Variants in TASP1 observed in about 807,000 individuals in gnomAD.
TASP1 encodes threonine aspartase 1.
Under a neutral mutation model 56.6 loss-of-function variants are expected in TASP1, and 16 were observed. That is an observed-to-expected ratio of 0.28 (90% CI 0.19 to 0.43). The LOEUF is 0.43. Ranked by LOEUF, TASP1 falls within the 20% of genes least tolerant of loss-of-function variation. The pLI is 1.00. For missense variants in TASP1, 393 were observed against 511.6 expected (o/e 0.77, Z 2.24); for synonymous variants, 179 against 184.2 (o/e 0.97, Z 0.23).
the TASP1 span, among the ~76,000 whole-genome samples, chr20:13,274,275 T>C: frequency 6.6e-6 from 1 of 152,072 alleles, no homozygotes. Flanking sequence ...TTTGTTGAAA[T>C]CCACTGGTTT....
chr20:13,560,815 A>C (rs2046320892), intron 7 of TASP1, among the ~76,000 whole-genome samples: 1 of 152,166 alleles, frequency 6.6e-6, no homozygotes, highest in Non-Finnish European at 1.5e-5. Context: ...AATAGCTGAA[A>C]ACTTGCCAAA....
the TASP1 span, among the ~76,000 whole-genome samples, chr20:13,128,175 C>T: frequency 6.6e-6 from 1 of 152,182 alleles, no homozygotes; most frequent in African/African-American, 2.4e-5. Flanking sequence ...TGTATAATTG[C>T]TTGCTACTAT....
chr20:13,242,076 T>G, the TASP1 span, among the ~76,000 whole-genome samples: 13 of 151,618 alleles, frequency 8.6e-5, no homozygotes, highest in Admixed American at 3.3e-4. Context: ...ACTGGAAAAA[T>G]GAGTTAAAAG....
At chr20:13,146,200 T>G in the TASP1 span, among the ~76,000 whole-genome samples, 1 of 152,180 alleles carries the variant, frequency 6.6e-6, no homozygotes, top group Non-Finnish European at 1.5e-5. Context: ...CCACATGTTC[T>G]TACTTATAGG....
intron 12 of TASP1, among the ~76,000 whole-genome samples, chr20:13,418,734 C>T (rs957488426): frequency 6.6e-6 from 1 of 152,176 alleles, no homozygotes; most frequent in Non-Finnish European, 1.5e-5. Context: ...ATGAACAAAG[C>T]TAACACCACC....
the TASP1 span, among the ~76,000 whole-genome samples, chr20:13,350,494 T>C: frequency 2.6e-5 from 4 of 152,148 alleles, no homozygotes; most frequent in Non-Finnish European, 2.9e-5. Context: ...TAAGGCTTAC[T>C]TTAAAGCAAT....
At chr20:13,176,838 T>C in the TASP1 span, among the ~76,000 whole-genome samples, 1 of 152,152 alleles carries the variant, frequency 6.6e-6, no homozygotes, top group African/African-American at 2.4e-5. Flanking sequence ...GAAAAGAAAT[T>C]AATAAGTTTA....
At chr20:13,399,749 T>C (rs937433565) in intron 13 of TASP1, among the ~76,000 whole-genome samples, 1 of 152,218 alleles carries the variant, frequency 6.6e-6, no homozygotes, top group African/African-American at 2.4e-5. Context: ...AGTCAGTTCA[T>C]ATCATTCCAC....
the TASP1 span, among the ~76,000 whole-genome samples, chr20:13,162,076 G>A: frequency 6.6e-6 from 1 of 152,270 alleles, no homozygotes; most frequent in African/African-American, 2.4e-5. Context: ...TCTTTTAAAT[G>A]AAATGAGTTG....
chr20:13,159,907 G>GA, the TASP1 span: 6 of 1,427,412 alleles, frequency 4.2e-6, no homozygotes, highest in Non-Finnish European at 5.6e-6. Context: ...AAAGAAAAAA[G>GA]AAAAAATCAA....
At chr20:13,191,778 G>A in the TASP1 span, among the ~76,000 whole-genome samples, 2 of 152,272 alleles carry the variant, frequency 1.3e-5, no homozygotes, top group Non-Finnish European at 2.9e-5. Flanking sequence ...TAAATGTTTG[G>A]GGTGATGGAT....
chr20:13,299,260 G>C, the TASP1 span: 1 of 1,607,574 alleles, frequency 6.2e-7, no homozygotes, highest in African/African-American at 1.3e-5. This position sits in a 1 kb window ranked among gnomAD's most constrained non-coding sequence, Gnocchi z 5.8. Context: ...AGGGGCAAGG[G>C]GGCGGGCACG....
chr20:13,121,000 C>T, the TASP1 span, among the ~76,000 whole-genome samples: 143 of 152,332 alleles, frequency 9.4e-4, no homozygotes, highest in African/African-American at 3.1e-3. Flanking sequence ...GTCAGAGCTC[C>T]GTGCCATGAA....
the TASP1 span, among the ~76,000 whole-genome samples, chr20:13,356,321 T>C: frequency 6.6e-6 from 1 of 152,218 alleles, no homozygotes; most frequent in African/African-American, 2.4e-5. Context: ...GCAATTGTTG[T>C]AAAGCACAGT....
chr20:13,486,928 G>A (rs1318816607), intron 10 of TASP1, among the ~76,000 whole-genome samples: 1 of 152,132 alleles, frequency 6.6e-6, no homozygotes, highest in Non-Finnish European at 1.5e-5. Context: ...CAGAAACAGG[G>A]CAATGATGTC....
chr20:13,106,914 C>G, the TASP1 span, among the ~76,000 whole-genome samples: 1 of 152,150 alleles, frequency 6.6e-6, no homozygotes, highest in African/African-American at 2.4e-5. Flanking sequence ...TGAACCCAAG[C>G]CAAGGGGCAG....
intron 6 of TASP1, among the ~76,000 whole-genome samples, chr20:13,574,922 T>G (rs763684385): frequency 6.6e-6 from 1 of 152,084 alleles, no homozygotes; most frequent in Non-Finnish European, 1.5e-5. Context: ...AAAAAATATC[T>G]GAAAAGATAA....
chr20:13,492,521 T>A (rs2146576589), intron 10 of TASP1, among the ~76,000 whole-genome samples: 1 of 152,326 alleles, frequency 6.6e-6, no homozygotes, highest in South Asian at 2.1e-4. Flanking sequence ...AGGACACACA[T>A]GATTTCAGTC....
At chr20:13,184,109 T>C in the TASP1 span, among the ~76,000 whole-genome samples, 4,041 of 152,088 alleles carry the variant, frequency 0.027, 72 homozygotes, top group Non-Finnish European at 0.039. Context: ...CAACATTTAT[T>C]CAAGAAATAT....
Sources: allele counts gnomAD v4.1 joint callset (sites outside exome capture counted in the v4.1 genomes callset), GRCh38; gene constraint gnomAD v4.1.1; non-coding constraint Gnocchi (gnomAD v3.1); transcripts MANE v1.5; gene names NCBI Gene and HGNC (gene_info 2026-07-23, HGNC 2026-07-21).